EGFR: variants seen among roughly 807,000 people sequenced by gnomAD.
EGFR encodes epidermal growth factor receptor.
A neutral mutation model predicts 143.0 loss-of-function variants in EGFR; 58 were observed. That is an observed-to-expected ratio of 0.41 (90% CI 0.33 to 0.50). EGFR has a LOEUF of 0.50. Among genes scored for constraint, EGFR ranks in the 20% least tolerant of loss-of-function variants. The pLI is 0.39. For missense variants in EGFR, 1,307 were observed against 1,579.0 expected (o/e 0.83, Z 2.92); for synonymous variants, 613 against 594.4 (o/e 1.03, Z -0.45).
At chr7:55,181,622 T>G (rs772553383) in intron 20 of EGFR, 144 bp downstream of exon 20, 2 of 979,236 alleles carry the variant, frequency 2.0e-6, no homozygotes, top group Non-Finnish European at 3.1e-6. Flanking sequence ...TATTTTGGAT[T>G]CAATCAAGTT....
chr7:55,207,404 A>G lies in EGFR; in HGVS notation c.*1787A>G, dbSNP rs755732077. 9.6e-6 allele frequency: 2 copies of G among 207,686 alleles called. No homozygotes were observed. The highest frequency in any genetic ancestry group is 2.0e-5 in the Non-Finnish European group (2 of 101,946). 12.9% of individuals were successfully genotyped at this position (207,686 alleles called of 1,614,324 possible). ...TATGGGTATGAAAGATACAAAGATA[A>G]ATAAAACATAGTCCCTGATTCTAAG... is the stretch of plus-strand genomic sequence containing the variant. On this transcript the variant is annotated 3_prime_UTR_variant, in exon 28 of 28. Coordinates refer to ENST00000275493, the MANE Select transcript of EGFR (RefSeq NM_005228.5).
Position 55,173,001 on chromosome 7 carries a change from C to T in EGFR, c.1938C>T (p.Ile646=), listed in dbSNP as rs760450694. The part of the protein sequence containing the change: ...CPTNGPKIPS[I]ATGMVGALLL... ...ATTCCAGGCCTAAGATCCCGTCCAT[C>T]GCCACTGGGATGGTGGGGGCCCTCC... Residue 646 remains isoleucine, a synonymous_variant, in exon 17 of 28, where the codon ATC becomes ATT. Transcript: ENST00000275493. 4.3e-6 allele frequency: 7 copies of T among 1,614,198 alleles called. No homozygotes were observed. The highest frequency in any genetic ancestry group is 2.2e-5 in the East Asian group (1 of 44,882).
Position 55,105,474 on chromosome 7 carries a change from CAG to C in EGFR, c.89-36809_89-36808del, listed in dbSNP as rs1251619115. Reference sequence around the variant, plus strand: ...ATTACTCTATTACTTTCTGATAAAACAGAGTCTTTCATGATCAAAGAGAACCA... The same window carrying C: ...ATTACTCTATTACTTTCTGATAAAACAGTCTTTCATGATCAAAGAGAACCA... On this transcript the variant is annotated intron_variant, in intron 1 of 27. Coordinates refer to ENST00000275493, the MANE Select transcript of EGFR (RefSeq NM_005228.5). Among the ~76,000 whole-genome samples, 5 of 152,236 alleles carry C rather than the reference CAG, an allele frequency of 3.3e-5. No individual in the cohort carries two copies. The South Asian group carries it at 6.2e-4, about 19-fold the overall frequency.
intron 23 of EGFR, among the ~76,000 whole-genome samples, chr7:55,199,834 G>C (rs1326930737): frequency 6.6e-6 from 1 of 152,210 alleles, no homozygotes; most frequent in Non-Finnish European, 1.5e-5. Context: ...CATGCCCACT[G>C]GGTATGTGCT....
chr7:55,207,015 A>G lies in EGFR; in HGVS notation c.*1398A>G, dbSNP rs1436464543. ...AAAATAATTTCTCTACAATTGGAAG[A>G]TTGGAAGATTCAGCTAGTTAGGAGC... is the stretch of plus-strand genomic sequence containing the variant. On this transcript the variant is annotated 3_prime_UTR_variant, in exon 28 of 28. Coordinates refer to ENST00000275493, the MANE Select transcript of EGFR (RefSeq NM_005228.5). 1.3e-5 allele frequency: 3 copies of G among 232,974 alleles called. No homozygotes were observed. Among genetic ancestry groups the G allele is most frequent in the East Asian group, 6.0e-5 (1 of 16,554 alleles). The allele number at this position is 232,974 out of a possible 1,614,324, so 14.4% of individuals were successfully genotyped here. A position where few individuals can be genotyped will look rare whatever the true frequency, so the allele number is the denominator to read the frequency against.
chr7:55,047,944 G>A (rs1166625209), intron 1 of EGFR, among the ~76,000 whole-genome samples: 1 of 151,918 alleles, frequency 6.6e-6, no homozygotes, highest in Non-Finnish European at 1.5e-5. Flanking sequence ...CTAGACAAAT[G>A]TGAATTCAGT....
At chr7:55,149,883 T>C (rs1376650208) in intron 4 of EGFR, among the ~76,000 whole-genome samples, 1 of 152,222 alleles carries the variant, frequency 6.6e-6, no homozygotes, top group African/African-American at 2.4e-5. Context: ...AAAATTGCCA[T>C]GTTTTATATG....
At chr7:55,186,829 G>A (rs959778252) in intron 20 of EGFR, among the ~76,000 whole-genome samples, 14 of 152,198 alleles carry the variant, frequency 9.2e-5, no homozygotes, top group African/African-American at 2.7e-4. Context: ...AGCAGGAGGC[G>A]CAGCTATAGT....
At position 55,034,327 on chromosome 7, in the gene EGFR, G is replaced by A. The variant is rs377636120; in HGVS notation, c.88+14962G>A. ...CGGCTCACTGCAACCTCCACCTTCC[G>A]GGTTCAAGTGATTCTCCTGTCTCAG... On this transcript the variant is annotated intron_variant, in intron 1 of 27. Transcript: ENST00000275493. Among the ~76,000 whole-genome samples, 48 of 152,284 alleles carry A rather than the reference G, an allele frequency of 3.2e-4. No individual in the cohort carries two copies. In the East Asian group the frequency reaches 3.7e-3, roughly 12 times the overall value.
At chr7:55,079,885 T>C (rs749734908) in intron 1 of EGFR, among the ~76,000 whole-genome samples, 5 of 152,252 alleles carry the variant, frequency 3.3e-5, no homozygotes, top group African/African-American at 1.2e-4. Context: ...GCATTCCTTA[T>C]ATTCTCAATA....
chr7:55,064,415 A>C (rs17289183), intron 1 of EGFR, among the ~76,000 whole-genome samples: 10 of 152,224 alleles, frequency 6.6e-5, no homozygotes, highest in Admixed American at 2.0e-4. Flanking sequence ...CTTGTTAAGG[A>C]GAATATGTTA....
intron 1 of EGFR, among the ~76,000 whole-genome samples, chr7:55,135,296 T>G (rs1223316850): frequency 6.6e-6 from 1 of 151,746 alleles, no homozygotes; most frequent in Admixed American, 6.6e-5. Flanking sequence ...TAATTAGAGA[T>G]ACATGAGTTT....
At chr7:55,127,081 G>T (rs772592901) in intron 1 of EGFR, among the ~76,000 whole-genome samples, 1 of 152,174 alleles carries the variant, frequency 6.6e-6, no homozygotes, top group Non-Finnish European at 1.5e-5. Context: ...TCTGACCCAC[G>T]CACATCAATA....
chr7:55,056,460 T>A (rs1788824474), intron 1 of EGFR, among the ~76,000 whole-genome samples: 1 of 152,252 alleles, frequency 6.6e-6, no homozygotes, highest in Non-Finnish European at 1.5e-5. Context: ...GATTAGAACA[T>A]GATAGAATTT....
At chr7:55,202,957 G>A in intron 27 of EGFR, 1 of 573,616 alleles carries the variant, frequency 1.7e-6, no homozygotes, top group Admixed American at 3.1e-5. Flanking sequence ...GTGTGTGTAT[G>A]TGTGTGTTTG....
At position 55,071,885 on chromosome 7, in the gene EGFR, C is replaced by T. The variant is rs1180982225; in HGVS notation, c.88+52520C>T. ...AGCTTATCTCTTTAAAGACAATTAACACAGTTTCTGGGCAAGGCAAGGCAA... is the reference window on the plus strand; with the variant it reads ...AGCTTATCTCTTTAAAGACAATTAATACAGTTTCTGGGCAAGGCAAGGCAA... On this transcript the variant is annotated intron_variant, in intron 1 of 27. Coordinates refer to ENST00000275493, the MANE Select transcript of EGFR (RefSeq NM_005228.5). 2.0e-5 allele frequency among the ~76,000 whole-genome samples: 3 copies of T among 152,224 alleles called. No individual in the cohort carries two copies. The East Asian group carries it at 5.8e-4, about 29-fold the overall frequency.
Position 55,203,228 on chromosome 7 carries a change from C to T in EGFR, c.3271+603C>T, listed in dbSNP as rs572599415. Among the ~76,000 whole-genome samples the T allele has an allele frequency of 3.4e-3, 478 of 138,820 alleles. 3 individuals carry two copies. Among genetic ancestry groups the T allele is most frequent in the Non-Finnish European group, 4.9e-3 (329 of 67,482 alleles). 91.1% of individuals were successfully genotyped at this position (138,820 alleles called of 152,430 possible). On this transcript the variant is annotated intron_variant, in intron 27 of 27. Transcript: ENST00000275493. ...TACACACACACCTCAAATACATACA[C>T]ACCACACACACATACATGTATACAC...
At chr7:55,029,405 T>TCCTTCCTTGCTTTCTTTCTTCTTC (rs1554311977) in intron 1 of EGFR, among the ~76,000 whole-genome samples, 7 of 152,202 alleles carry the variant, frequency 4.6e-5, no homozygotes, top group Non-Finnish European at 1.0e-4. Flanking sequence ...CCTTTCTTCT[T>TCCTTCCTTGCTTTCTTTCTTCTTC]CCTTCCTTGC....
intron 16 of EGFR, among the ~76,000 whole-genome samples, chr7:55,172,285 G>A (rs1158879141): frequency 1.3e-5 from 2 of 152,082 alleles, no homozygotes; most frequent in East Asian, 1.9e-4. Context: ...TATATCTTAC[G>A]GTATTCTAGT....
Sources: gnomAD v4.1 joint callset for allele counts (sites outside exome capture counted in the v4.1 genomes callset) on GRCh38, gnomAD v4.1.1 for gene constraint, MANE v1.5 for transcripts, NCBI Gene and HGNC (gene_info 2026-07-23, HGNC 2026-07-21) for gene names.